Variants in UGT1A9 observed in about 807,000 individuals in gnomAD.
The protein encoded by UGT1A9 is UDP glucuronosyltransferase family 1 member A9, also known as UDP-glucuronosyltransferase 1A9.
A neutral mutation model predicts 45.0 loss-of-function variants in UGT1A9; 35 were observed. The ratio of observed to expected loss-of-function variants is 0.78; its 90% confidence interval spans 0.59 to 1.03. UGT1A9 has a LOEUF of 1.03. UGT1A9 is among the 50% of genes least tolerant of loss of function. The pLI, the probability that UGT1A9 is intolerant of heterozygous loss-of-function variation, is 0.00. For missense variants in UGT1A9, 687 were observed against 666.6 expected (o/e 1.03, Z -0.34); for synonymous variants, 278 against 250.6 (o/e 1.11, Z -1.03).
intron 1 of UGT1A9, among the ~76,000 whole-genome samples, chr2:233,694,695 C>T (rs767071977): frequency 2.6e-4 from 40 of 152,288 alleles, no homozygotes; most frequent in Admixed American, 1.3e-3. Flanking sequence ...AGACCCTTAC[C>T]TCTCTTCTTT....
chr2:233,752,595 T>A (rs1013400964), intron 1 of UGT1A9: 3 of 152,218 alleles, frequency 2.0e-5, no homozygotes, highest in Non-Finnish European at 2.9e-5. Context: ...CTACAAGATT[T>A]TTTTTAAAAA....
Position 233,747,385 on chromosome 2 carries a change from C to T in UGT1A9, c.856-19649C>T, listed in dbSNP as rs531193212. The T allele has an allele frequency of 6.7e-4, 1,075 of 1,604,740 alleles. 9 individuals are homozygous for T. The highest frequency in any genetic ancestry group is 4.1e-3 in the African/African-American group (305 of 74,460). Reference sequence around the variant, plus strand: ...GAGCTCCATGCCAGAGGCCACCAGGCGGTGGTCCTCACCCCAGAGGTGAAT... The same window carrying T: ...GAGCTCCATGCCAGAGGCCACCAGGTGGTGGTCCTCACCCCAGAGGTGAAT... On this transcript the variant is annotated intron_variant, in intron 1 of 4. Transcript: ENST00000354728.
intron 1 of UGT1A9, chr2:233,690,741 C>G: frequency 8.3e-7 from 1 of 1,202,758 alleles, no homozygotes; most frequent in South Asian, 1.5e-5. Context: ...ATTCCTCTGG[C>G]TAGTGTCCAG....
chr2:233,690,004 C>A, intron 1 of UGT1A9: 3 of 448,708 alleles, frequency 6.7e-6, no homozygotes, highest in Non-Finnish European at 1.3e-5. Context: ...CACTTCATCT[C>A]ACCATTTTGG....
chr2:233,747,081 A>G (rs1196647513), intron 1 of UGT1A9: 7 of 1,127,108 alleles, frequency 6.2e-6, no homozygotes, highest in Non-Finnish European at 1.2e-6. Context: ...ATTAACTAGG[A>G]GGAGAGCACT....
chr2:233,761,925 G>C (rs1697902891), intron 1 of UGT1A9, among the ~76,000 whole-genome samples: 1 of 152,224 alleles, frequency 6.6e-6, no homozygotes, highest in Admixed American at 6.5e-5. Flanking sequence ...GGCAGCCCAG[G>C]CACTTCCCAG....
intron 1 of UGT1A9, among the ~76,000 whole-genome samples, chr2:233,726,499 G>A (rs2077536010): frequency 6.6e-6 from 1 of 151,996 alleles, no homozygotes; most frequent in Non-Finnish European, 1.5e-5. Context: ...TATTAATTTT[G>A]GAATTTCATG....
intron 1 of UGT1A9, chr2:233,761,138 A>G (rs1697686398): frequency 7.4e-6 from 12 of 1,614,200 alleles, no homozygotes; most frequent in Non-Finnish European, 1.0e-5. Context: ...CTTCACCAAA[A>G]TCCACTATCC....
intron 2 of UGT1A9, 93 bp downstream of exon 2, chr2:233,767,258 C>T (rs1454742513): frequency 1.3e-6 from 2 of 1,592,782 alleles, no homozygotes; most frequent in African/African-American, 1.3e-5. Context: ...TTAATTGGAA[C>T]CTTAGATTTG....
chr2:233,729,600 G>A (rs751884181), intron 1 of UGT1A9: 13 of 1,613,992 alleles, frequency 8.1e-6, no homozygotes, highest in South Asian at 2.2e-5. Context: ...ACCTCTGCGC[G>A]GCAGTGCTGG....
chr2:233,713,664 C>T (rs17862867), intron 1 of UGT1A9: 157,954 of 1,613,772 alleles, frequency 0.098, 8,758 homozygotes, highest in South Asian at 0.2. Flanking sequence ...CTACCTTTGC[C>T]ATGCTGTTTC....
chr2:233,754,301 G>C (rs576538259), intron 1 of UGT1A9: 100 of 236,450 alleles, frequency 4.2e-4, no homozygotes, highest in African/African-American at 2.0e-3. Flanking sequence ...CTAGCACTAG[G>C]AAATAATCAT....
intron 1 of UGT1A9, chr2:233,719,529 G>A (rs2076777765): frequency 6.2e-7 from 1 of 1,613,836 alleles, no homozygotes; most frequent in South Asian, 1.1e-5. Context: ...TCTTGCCTCT[G>A]AGCTTTTTCA....
intron 1 of UGT1A9, among the ~76,000 whole-genome samples, chr2:233,720,156 G>A (rs547433908): frequency 5.6e-4 from 86 of 152,302 alleles, no homozygotes; most frequent in Non-Finnish European, 7.8e-4. Context: ...ACAGGAAGTA[G>A]AAGTGTCAAA....
chr2:233,762,062 A>G (rs1056836551), intron 1 of UGT1A9, among the ~76,000 whole-genome samples: 8 of 152,148 alleles, frequency 5.3e-5, no homozygotes, highest in Non-Finnish European at 8.8e-5. Flanking sequence ...TTCATAGCAC[A>G]TCAAATATGG....
intron 1 of UGT1A9, among the ~76,000 whole-genome samples, chr2:233,726,159 C>T (rs986768021): frequency 9.2e-5 from 14 of 152,064 alleles, no homozygotes; most frequent in African/African-American, 3.4e-4. Flanking sequence ...GAGTGAGGCC[C>T]CATTTCAAAA....
chr2:233,722,779 T>A (rs1468738434), intron 1 of UGT1A9, among the ~76,000 whole-genome samples: 1 of 152,134 alleles, frequency 6.6e-6, no homozygotes, highest in Non-Finnish European at 1.5e-5. Flanking sequence ...TCTGATATTG[T>A]TAATAATTTT....
rs115940468 is a variant in UGT1A9, at chr2:233,693,384, A to G, written c.855+20595A>G. 36 of 1,614,214 alleles carry G rather than the reference A, an allele frequency of 2.2e-5. 1 individual carries two copies. The East Asian group carries it at 8.0e-4, about 36-fold the overall frequency. ...ATTGGCCTGTACTTCATCAACTGCC[A>G]GAGCCTCCTGCAGGACAGGGACACC... is the stretch of plus-strand genomic sequence containing the variant. On this transcript the variant is annotated intron_variant, in intron 1 of 4. Transcript: ENST00000354728.
Position 233,672,798 on chromosome 2 carries a change from T to C in UGT1A9, c.855+9T>C, listed in dbSNP as rs747306856. 6.2e-7 allele frequency: 1 copy of C among 1,612,458 alleles called. No individual in the cohort carries two copies. The highest frequency in any genetic ancestry group is 1.1e-5 in the South Asian group (1 of 90,894). On this transcript the variant is annotated intron_variant, in intron 1 of 4. Coordinates refer to ENST00000354728, the MANE Select transcript of UGT1A9 (RefSeq NM_021027.3). ...GAAAGCCGTTGCCTATGGTAAGTTATCTCTCCTTTAGCACCTTAAGAATAC... is the reference window on the plus strand; with the variant it reads ...GAAAGCCGTTGCCTATGGTAAGTTACCTCTCCTTTAGCACCTTAAGAATAC...
Sources: gnomAD v4.1 joint callset for allele counts (sites outside exome capture counted in the v4.1 genomes callset) on GRCh38, gnomAD v4.1.1 for gene constraint, MANE v1.5 for transcripts, NCBI Gene and HGNC (gene_info 2026-07-23, HGNC 2026-07-21) for gene names.